Variants in CDC14A observed in about 807,000 individuals in gnomAD.
CDC14A encodes the protein dual specificity protein phosphatase CDC14A.
CDC14A carries 53 observed loss-of-function variants against 74.4 expected under a neutral mutation model. That is an observed-to-expected ratio of 0.71 (90% CI 0.57 to 0.89). CDC14A has a LOEUF of 0.89. CDC14A is among the 40% of genes least tolerant of loss of function. The pLI, the probability that CDC14A is intolerant of heterozygous loss-of-function variation, is 0.00. For missense variants in CDC14A, 646 were observed against 713.7 expected, an observed-to-expected ratio of 0.91 and a Z score of 1.08; for synonymous variants, 247 against 258.4, an observed-to-expected ratio of 0.96 and a Z score of 0.43.
intron 9 of CDC14A, among the ~76,000 whole-genome samples, chr1:100,466,035 T>G (rs1276969380): frequency 1.3e-5 from 2 of 152,264 alleles, no homozygotes; most frequent in Non-Finnish European, 2.9e-5. Flanking sequence ...TATTGAGTGC[T>G]AAGTGCGTTC....
chr1:100,383,382 A>G (rs1656419291), intron 3 of CDC14A: 1 of 152,604 alleles, frequency 6.6e-6, no homozygotes, highest in South Asian at 2.1e-4. Flanking sequence ...ACACAGAGAC[A>G]CCTTTTTCTT....
chr1:100,403,825 G>T (rs1430668552), intron 4 of CDC14A, among the ~76,000 whole-genome samples: 2 of 152,126 alleles, frequency 1.3e-5, no homozygotes, highest in African/African-American at 4.8e-5. Flanking sequence ...AGGAGCCAGC[G>T]CTGAGCCTGC....
At chr1:100,442,367 A>G (rs1222152723) in intron 6 of CDC14A, among the ~76,000 whole-genome samples, 1 of 146,216 alleles carries the variant, frequency 6.8e-6, no homozygotes, top group African/African-American at 2.5e-5. Context: ...TATATATAGT[A>G]TATATAAATA....
chr1:100,404,559 G>C (rs954909262), intron 4 of CDC14A, among the ~76,000 whole-genome samples: 1 of 152,182 alleles, frequency 6.6e-6, no homozygotes, highest in Non-Finnish European at 1.5e-5. Context: ...TGGCTGGCGT[G>C]GTGTCTCACG....
intron 5 of CDC14A, among the ~76,000 whole-genome samples, chr1:100,435,260 G>A (rs1664187855): frequency 1.3e-5 from 2 of 152,176 alleles, no homozygotes; most frequent in Non-Finnish European, 2.9e-5. Context: ...GGAAAATCCA[G>A]GAACCAAGAG....
At chr1:100,368,641 A>G (rs982457971) in intron 2 of CDC14A, among the ~76,000 whole-genome samples, 1 of 152,216 alleles carries the variant, frequency 6.6e-6, no homozygotes, top group Non-Finnish European at 1.5e-5. Context: ...TTTGTATACA[A>G]GCATATTTTG....
At chr1:100,412,728 T>TATATATATATATATATATATATATAAA (rs1557732405) in intron 4 of CDC14A, among the ~76,000 whole-genome samples, 38 of 98,124 alleles carry the variant, frequency 3.9e-4, no homozygotes, top group Non-Finnish European at 5.9e-4. Flanking sequence ...ATATATTTTA[T>TATATATATATATATATATATATATAAA]ATATATATAT....
At chr1:100,443,153 C>A (rs898809990) in intron 7 of CDC14A, 157 bp downstream of exon 7, 2 of 566,832 alleles carry the variant, frequency 3.5e-6, no homozygotes, top group Non-Finnish European at 6.2e-6. Context: ...TTGGTTATTT[C>A]CTTTGAATCA....
chr1:100,507,165 C>A (rs918015291), intron 15 of CDC14A, among the ~76,000 whole-genome samples: 2 of 152,198 alleles, frequency 1.3e-5, no homozygotes, highest in African/African-American at 4.8e-5. Flanking sequence ...TTAAAAACTT[C>A]ATGCAGGCAT....
At chr1:100,503,685 A>G (rs1468957064) in intron 15 of CDC14A, among the ~76,000 whole-genome samples, 2 of 152,074 alleles carry the variant, frequency 1.3e-5, no homozygotes, top group African/African-American at 4.8e-5. Flanking sequence ...GCCCTGTGCA[A>G]TGCACACACA....
chr1:100,414,237 G>T (rs1474798665), intron 4 of CDC14A, among the ~76,000 whole-genome samples: 2 of 152,158 alleles, frequency 1.3e-5, no homozygotes, highest in South Asian at 4.1e-4. Context: ...AGGCCAAGGC[G>T]GTAGGATTGC....
chr1:100,364,654 G>A (rs760755193), intron 2 of CDC14A, among the ~76,000 whole-genome samples: 3 of 152,202 alleles, frequency 2.0e-5, no homozygotes, highest in Non-Finnish European at 4.4e-5. Flanking sequence ...TATACTGTCT[G>A]TATAGCTCTC....
chr1:100,352,044 T>G, upstream of CDC14A, among the ~76,000 whole-genome samples: 1 of 137,954 alleles, frequency 7.2e-6, no homozygotes. Flanking sequence ...AGAGCATGGG[T>G]GAGTGGGCGA....
At chr1:100,424,352 CT>C (rs1557745622) in intron 5 of CDC14A, 51 bp downstream of exon 5, 4 of 1,270,338 alleles carry the variant, frequency 3.1e-6, no homozygotes, top group Non-Finnish European at 4.6e-6. Flanking sequence ...GAGCTGGACA[CT>C]TTAGAGTTGG....
chr1:100,449,852 T>C (rs1665951210), intron 7 of CDC14A, among the ~76,000 whole-genome samples: 1 of 152,228 alleles, frequency 6.6e-6, no homozygotes, highest in Non-Finnish European at 1.5e-5. Flanking sequence ...CAAGATATTT[T>C]ATATGATCTG....
chr1:100,487,592 A>AAACAG (rs1244485759), intron 11 of CDC14A, among the ~76,000 whole-genome samples: 1 of 137,230 alleles, frequency 7.3e-6, no homozygotes, highest in Non-Finnish European at 1.5e-5. Flanking sequence ...AAACAAAACA[A>AAACAG]AACAAAAAAC....
At chr1:100,479,932 T>C (rs532491887) in intron 10 of CDC14A, among the ~76,000 whole-genome samples, 20 of 152,362 alleles carry the variant, frequency 1.3e-4, no homozygotes, top group African/African-American at 4.6e-4. Context: ...TAAATACTCA[T>C]GCCAGTTATT....
intron 7 of CDC14A, among the ~76,000 whole-genome samples, chr1:100,444,220 G>A (rs944706340): frequency 2.6e-5 from 4 of 152,180 alleles, no homozygotes; most frequent in African/African-American, 7.2e-5. Flanking sequence ...GCCACAGGAT[G>A]TATTAATTAT....
intron 11 of CDC14A, among the ~76,000 whole-genome samples, chr1:100,489,156 A>T (rs1197893349): frequency 6.6e-6 from 1 of 152,208 alleles, no homozygotes; most frequent in African/African-American, 2.4e-5. Context: ...GCCTTTCCCC[A>T]GCACTTACAT....
Sources: gnomAD v4.1 joint callset for allele counts (sites outside exome capture counted in the v4.1 genomes callset) on GRCh38, gnomAD v4.1.1 for gene constraint, MANE v1.5 for transcripts, NCBI Gene and HGNC (gene_info 2026-07-23, HGNC 2026-07-21) for gene names.